Variants in PCBP3 observed in about 807,000 individuals in gnomAD.
PCBP3 encodes the protein poly(rC)-binding protein 3.
A neutral mutation model predicts 52.7 loss-of-function variants in PCBP3; 25 were observed. That is an observed-to-expected ratio of 0.47 (90% CI 0.35 to 0.66). The LOEUF is 0.66. Among genes scored for constraint, PCBP3 ranks in the 30% least tolerant of loss-of-function variants. The pLI is 0.01. For missense variants in PCBP3, 391 were observed against 490.3 expected (o/e 0.80, Z 1.91); for synonymous variants, 162 against 183.0 (o/e 0.89, Z 0.93).
chr21:45,678,345 C>T (rs117445313), intron 2 of PCBP3, among the ~76,000 whole-genome samples: 2,128 of 151,462 alleles, frequency 0.014, 19 homozygotes, highest in Non-Finnish European at 0.018. Flanking sequence ...TAAATAAATA[C>T]ATTTTGTAAG....
intron 13 of PCBP3, among the ~76,000 whole-genome samples, chr21:45,922,215 C>G (rs1356582309): frequency 6.6e-6 from 1 of 152,152 alleles, no homozygotes; most frequent in African/African-American, 2.4e-5. Flanking sequence ...GGAAGTTACA[C>G]CAGGAAGGAA....
At chr21:45,913,818 G>C (rs930731665) in intron 11 of PCBP3, 133 bp from the exon 12 acceptor site, 1 of 792,278 alleles carries the variant, frequency 1.3e-6, no homozygotes. Flanking sequence ...GCACTGCTGC[G>C]AAACTCGGGG....
intron 3 of PCBP3, among the ~76,000 whole-genome samples, chr21:45,739,282 C>G (rs1266262935): frequency 2.2e-5 from 3 of 135,570 alleles, no homozygotes; most frequent in East Asian, 2.4e-4. Flanking sequence ...ATGGCCCCCC[C>G]ATCTTCATCA....
At chr21:45,759,093 A>G (rs937169802) in intron 4 of PCBP3, among the ~76,000 whole-genome samples, 15 of 152,134 alleles carry the variant, frequency 9.9e-5, no homozygotes, top group African/African-American at 3.6e-4. Flanking sequence ...TTGTGCATCT[A>G]TATTCATGGG....
chr21:45,772,375 T>C (rs145684505), intron 4 of PCBP3, among the ~76,000 whole-genome samples: 2,141 of 152,346 alleles, frequency 0.014, 95 homozygotes, highest in Admixed American at 0.085. Flanking sequence ...TCCATCCTTG[T>C]TGCTGCAACT....
At chr21:45,890,327 A>C (rs2095621524) in intron 5 of PCBP3, among the ~76,000 whole-genome samples, 1 of 152,264 alleles carries the variant, frequency 6.6e-6, no homozygotes, top group Non-Finnish European at 1.5e-5. Context: ...TGTGGATAAC[A>C]GAACCTGGAA....
chr21:45,856,908 G>C (rs973505832), intron 5 of PCBP3, among the ~76,000 whole-genome samples: 3 of 152,218 alleles, frequency 2.0e-5, no homozygotes, highest in Non-Finnish European at 4.4e-5. Flanking sequence ...CAGGCTATCA[G>C]TAAATTTAAA....
At chr21:45,785,194 C>T (rs1225675959) in intron 4 of PCBP3, among the ~76,000 whole-genome samples, 3 of 151,170 alleles carry the variant, frequency 2.0e-5, no homozygotes, top group East Asian at 3.9e-4. Flanking sequence ...GCAGCCGCCC[C>T]GTCTGAGAAG....
chr21:45,903,880 G>A (rs1253526293), intron 9 of PCBP3, among the ~76,000 whole-genome samples: 1 of 152,178 alleles, frequency 6.6e-6, no homozygotes, highest in Non-Finnish European at 1.5e-5. Context: ...TTGAGGTCCT[G>A]TGTGGGAGTC....
intron 1 of PCBP3, among the ~76,000 whole-genome samples, chr21:45,655,310 G>C (rs900773190): frequency 4.0e-5 from 6 of 151,456 alleles, no homozygotes; most frequent in African/African-American, 1.5e-4. Flanking sequence ...ACATCTTCGG[G>C]AAACAATTTG....
chr21:45,724,942 T>A lies in PCBP3; in HGVS notation c.-199-10450T>A, dbSNP rs1459278584. On this transcript the variant is annotated intron_variant, in intron 2 of 17. Transcript: ENST00000681687. The surrounding 1 kb of genome is among the most constrained non-coding windows in gnomAD (Gnocchi z 5.3). Reference sequence around the variant, plus strand: ...CCTCTATAACTTAAATGATGAAAGTTACAGATAATAGCTCAAATAAACTGT... The same window carrying A: ...CCTCTATAACTTAAATGATGAAAGTAACAGATAATAGCTCAAATAAACTGT... 6.6e-6 allele frequency among the ~76,000 whole-genome samples: 1 copy of A among 152,184 alleles called. No individual in the cohort carries two copies. The highest frequency in any genetic ancestry group is 1.5e-5 in the Non-Finnish European group (1 of 68,028).
intron 15 of PCBP3, among the ~76,000 whole-genome samples, chr21:45,933,202 A>G (rs2076505423): frequency 6.7e-6 from 1 of 150,022 alleles, no homozygotes; most frequent in African/African-American, 2.5e-5. Context: ...CACCTGGGCC[A>G]TGCTGTCCTG....
chr21:45,826,176 G>A (rs1401586160), intron 4 of PCBP3, among the ~76,000 whole-genome samples: 3 of 152,014 alleles, frequency 2.0e-5, no homozygotes, highest in Non-Finnish European at 4.4e-5. Context: ...GAGAACTGCT[G>A]GAACCCGGGA....
intron 2 of PCBP3, among the ~76,000 whole-genome samples, chr21:45,684,368 T>C (rs569585087): frequency 6.6e-6 from 1 of 152,198 alleles, no homozygotes; most frequent in African/African-American, 2.4e-5. Flanking sequence ...ATAAGAGAGA[T>C]AGAGAATTAC....
intron 2 of PCBP3, among the ~76,000 whole-genome samples, chr21:45,716,629 C>T (rs2084244778): frequency 6.6e-6 from 1 of 152,036 alleles, no homozygotes; most frequent in Non-Finnish European, 1.5e-5. Flanking sequence ...TCATTTAATC[C>T]TAATTATTAA....
chr21:45,678,081 C>T (rs1053960994), intron 2 of PCBP3, among the ~76,000 whole-genome samples: 1 of 152,112 alleles, frequency 6.6e-6, no homozygotes, highest in African/African-American at 2.4e-5. Context: ...GTGGCTCACG[C>T]CTGTAATCCC....
In PCBP3 at chr21:45,917,520, G is replaced by T; in HGVS notation, c.676-68G>T. 8.2e-7 allele frequency: 1 copy of T among 1,221,148 alleles called. No individual in the cohort carries two copies. 75.6% of individuals were successfully genotyped at this position (1,221,148 alleles called of 1,614,324 possible). ...CCGGAGGGTCCTTGTCATGCTGGAGGGTGGCGGCGGGTGCTGAGCCGTGGT... is the reference window on the plus strand; with the variant it reads ...CCGGAGGGTCCTTGTCATGCTGGAGTGTGGCGGCGGGTGCTGAGCCGTGGT... On this transcript the variant is annotated intron_variant, in intron 12 of 17. Coordinates refer to ENST00000681687, the MANE Select transcript of PCBP3 (RefSeq NM_001384156.1). This position sits in a 1 kb window ranked among gnomAD's most constrained non-coding sequence, Gnocchi z 5.3.
At chr21:45,781,329 A>G (rs1282661156) in intron 4 of PCBP3, among the ~76,000 whole-genome samples, 1 of 152,250 alleles carries the variant, frequency 6.6e-6, no homozygotes, top group Non-Finnish European at 1.5e-5. Context: ...TACTAAGGAA[A>G]TAAAGAACAA....
chr21:45,890,876 T>C (rs13046888), intron 5 of PCBP3, among the ~76,000 whole-genome samples: 188 of 100,648 alleles, frequency 1.9e-3, no homozygotes, highest in Middle Eastern at 0.018. Context: ...ATAATAGAAC[T>C]TGGAACTCTG....
Sources: allele counts gnomAD v4.1 joint callset (sites outside exome capture counted in the v4.1 genomes callset), GRCh38; gene constraint gnomAD v4.1.1; non-coding constraint Gnocchi (gnomAD v3.1); transcripts MANE v1.5; gene names NCBI Gene and HGNC (gene_info 2026-07-23, HGNC 2026-07-21).